Variants in FAF1 observed in about 807,000 individuals in gnomAD.
The protein encoded by FAF1 is FAS-associated factor 1.
FAF1 carries 25 observed loss-of-function variants against 92.5 expected under a neutral mutation model. That is an observed-to-expected ratio of 0.27 (90% CI 0.20 to 0.38). The LOEUF (loss-of-function observed/expected upper bound fraction) is 0.38. FAF1 is among the 10% of genes least tolerant of loss of function. FAF1 has a pLI of 1.00. For missense variants in FAF1, 636 were observed against 793.3 expected (o/e 0.80, Z 2.38); for synonymous variants, 234 against 273.2 (o/e 0.86, Z 1.42).
chr1:50,910,411 G>C (rs1035082603), intron 1 of FAF1, among the ~76,000 whole-genome samples: 9 of 152,186 alleles, frequency 5.9e-5, no homozygotes, highest in African/African-American at 2.2e-4. Context: ...TCTCTTCAAA[G>C]CTGTCAGACA....
At chr1:50,744,116 G>A (rs1036129590) in intron 5 of FAF1, among the ~76,000 whole-genome samples, 1 of 152,026 alleles carries the variant, frequency 6.6e-6, no homozygotes, top group African/African-American at 2.4e-5. Context: ...TTGCTACTGG[G>A]TTCCTAAGAA....
intron 7 of FAF1, among the ~76,000 whole-genome samples, chr1:50,704,747 T>A (rs1657604583): frequency 6.6e-6 from 1 of 152,150 alleles, no homozygotes. Flanking sequence ...TTTAAAGAGT[T>A]TAGTTTCTAG....
chr1:50,711,078 T>A (rs1354351291), intron 6 of FAF1, among the ~76,000 whole-genome samples: 1 of 151,418 alleles, frequency 6.6e-6, no homozygotes, highest in Non-Finnish European at 1.5e-5. Flanking sequence ...TCCAGTTAAT[T>A]TTGGTATTTT....
chr1:50,783,746 G>A (rs1417068190), intron 4 of FAF1, among the ~76,000 whole-genome samples: 1 of 152,036 alleles, frequency 6.6e-6, no homozygotes, highest in Non-Finnish European at 1.5e-5. Flanking sequence ...TGGTGGCTGT[G>A]TGCCTGTAAT....
intron 2 of FAF1, among the ~76,000 whole-genome samples, chr1:50,829,276 T>C (rs1644132056): frequency 6.6e-6 from 1 of 152,152 alleles, no homozygotes; most frequent in Non-Finnish European, 1.5e-5. Flanking sequence ...TGTGAGGAGC[T>C]GTATTTTAAA....
chr1:50,749,333 T>C (rs1301498378), intron 4 of FAF1, among the ~76,000 whole-genome samples: 1 of 152,018 alleles, frequency 6.6e-6, no homozygotes, highest in Non-Finnish European at 1.5e-5. Context: ...TTAAAAGAAG[T>C]TTCTTAAAGG....
At position 50,799,177 on chromosome 1, in the gene FAF1, TAGAG is replaced by T. The variant is rs1227673687; in HGVS notation, c.161+2450_161+2453del. 4.6e-5 allele frequency among the ~76,000 whole-genome samples: 7 copies of T among 152,336 alleles called. No individual in the cohort carries two copies. In the East Asian group the frequency reaches 7.7e-4, roughly 17 times the overall value. On this transcript the variant is annotated intron_variant, in intron 3 of 18. Coordinates refer to ENST00000396153, the MANE Select transcript of FAF1 (RefSeq NM_007051.3). ...ACTGATCTTGAAGAAGACAGAGTAATAGAGAGGATAGAGCATGGCTTTTAAAATA... is the reference window on the plus strand; with the variant it reads ...ACTGATCTTGAAGAAGACAGAGTAATAGGATAGAGCATGGCTTTTAAAATA...
chr1:50,801,405 C>G (rs1661983428), intron 3 of FAF1, among the ~76,000 whole-genome samples: 1 of 152,140 alleles, frequency 6.6e-6, no homozygotes, highest in Non-Finnish European at 1.5e-5. Context: ...AAAATTAAAA[C>G]CACCTTAAAA....
At chr1:50,496,690 G>A (rs906328093) in intron 15 of FAF1, among the ~76,000 whole-genome samples, 10 of 151,188 alleles carry the variant, frequency 6.6e-5, no homozygotes, top group Non-Finnish European at 1.5e-4. Context: ...TCAGGAGTTT[G>A]AGACCAGCCT....
intron 1 of FAF1, among the ~76,000 whole-genome samples, chr1:50,877,128 C>T (rs1298997814): frequency 2.6e-5 from 4 of 152,110 alleles, no homozygotes; most frequent in East Asian, 1.9e-4. Flanking sequence ...TTCCCAAGGG[C>T]GACAGCACAG....
At position 50,526,430 on chromosome 1, in the gene FAF1, T is replaced by C. The variant is rs377008377; in HGVS notation, c.1494+8939A>G. Among the ~76,000 whole-genome samples, 29 of 151,244 alleles carry C rather than the reference T, an allele frequency of 1.9e-4. No homozygotes were observed. The South Asian group carries it at 4.8e-3, about 25-fold the overall frequency. On this transcript the variant is annotated intron_variant, in intron 15 of 18. Transcript: ENST00000396153. Reference sequence around the variant, plus strand: ...GCACAAAATAGCGAGACCCCATCTCTATTAAAAATAATAATAATATTTATT... The same window carrying C: ...GCACAAAATAGCGAGACCCCATCTCCATTAAAAATAATAATAATATTTATT...
At chr1:50,917,057 G>A (rs1644923727) in intron 1 of FAF1, among the ~76,000 whole-genome samples, 1 of 152,190 alleles carries the variant, frequency 6.6e-6, no homozygotes, top group South Asian at 2.1e-4. Flanking sequence ...AAAAGACAAG[G>A]AAAGGAGGAA....
At chr1:50,704,062 CCT>C (rs1488919068) in intron 7 of FAF1, among the ~76,000 whole-genome samples, 3 of 152,050 alleles carry the variant, frequency 2.0e-5, no homozygotes, top group African/African-American at 7.2e-5. Context: ...TTTAAATCTC[CCT>C]GTTTAATTTA....
At chr1:50,743,693 T>C (rs750018255) in intron 5 of FAF1, among the ~76,000 whole-genome samples, 6 of 152,172 alleles carry the variant, frequency 3.9e-5, no homozygotes, top group African/African-American at 9.7e-5. Context: ...GTGAAAACAT[T>C]CAATAATTAT....
At chr1:50,653,647 C>A (rs1654967492) in intron 8 of FAF1, among the ~76,000 whole-genome samples, 1 of 152,090 alleles carries the variant, frequency 6.6e-6, no homozygotes. Flanking sequence ...AGGCTGGTCA[C>A]CTTAGGTCAG....
intron 4 of FAF1, among the ~76,000 whole-genome samples, chr1:50,757,169 T>C (rs958503874): frequency 3.3e-5 from 5 of 152,246 alleles, no homozygotes; most frequent in Non-Finnish European, 7.3e-5. Context: ...GCATATGTTC[T>C]ACCTTAATGA....
chr1:50,560,418 C>T (rs575948679), intron 13 of FAF1, among the ~76,000 whole-genome samples: 33 of 152,318 alleles, frequency 2.2e-4, no homozygotes, highest in African/African-American at 7.2e-4. Flanking sequence ...CTAATACTGA[C>T]AGGCACAGAA....
At chr1:50,834,559 A>C (rs1290737202) in intron 2 of FAF1, among the ~76,000 whole-genome samples, 5 of 152,218 alleles carry the variant, frequency 3.3e-5, no homozygotes, top group Non-Finnish European at 7.4e-5. Context: ...CTTGCCTAAG[A>C]AAGTATGGCA....
chr1:50,535,463 A>G lies in FAF1; in HGVS notation c.1406-6T>C. Reference sequence around the variant, plus strand: ...CTCATCTACTGTTGTGTTCCCTAAAAACATATAGAGATTGCCAAACTTTTA... The same window carrying G: ...CTCATCTACTGTTGTGTTCCCTAAAGACATATAGAGATTGCCAAACTTTTA... On this transcript the variant is annotated splice_region_variant and splice_polypyrimidine_tract_variant and intron_variant, in intron 14 of 18. Transcript: ENST00000396153. 1 of 1,579,534 alleles carries G rather than the reference A, an allele frequency of 6.3e-7. No individual in the cohort carries two copies. The highest frequency in any genetic ancestry group is 2.2e-5 in the East Asian group (1 of 44,626).
Sources: allele counts gnomAD v4.1 joint callset (sites outside exome capture counted in the v4.1 genomes callset), GRCh38; gene constraint gnomAD v4.1.1; transcripts MANE v1.5; gene names NCBI Gene and HGNC (gene_info 2026-07-23, HGNC 2026-07-21).